Variants in RGS12 observed in about 807,000 individuals in gnomAD.
The protein encoded by RGS12 is regulator of G-protein signaling 12.
RGS12 carries 66 observed loss-of-function variants against 120.1 expected under a neutral mutation model. That is an observed-to-expected ratio of 0.55 (90% confidence interval 0.45 to 0.67). The LOEUF (loss-of-function observed/expected upper bound fraction) is 0.67. RGS12 is among the 30% of genes least tolerant of loss of function. RGS12 has a pLI of 0.00. For synonymous variants in RGS12, 827 were observed against 804.7 expected, an observed-to-expected ratio of 1.03 and a Z score of -0.47; for missense variants, 1,859 against 1,957.7, an observed-to-expected ratio of 0.95 and a Z score of 0.95.
intron 4 of RGS12, among the ~76,000 whole-genome samples, chr4:3,392,146 A>G (rs1038298826): frequency 3.3e-5 from 5 of 152,166 alleles, no homozygotes; most frequent in Admixed American, 1.3e-4. Flanking sequence ...GGGAGAGCTC[A>G]AGGGCTTTTC....
rs539620415 is a variant in RGS12 at position 3,355,532 on chromosome 4, C to T, written c.1998+12479C>T. Among the ~76,000 whole-genome samples, 5 of 152,172 alleles carry T rather than the reference C, an allele frequency of 3.3e-5. No homozygotes were observed. In the South Asian group the frequency reaches 6.2e-4, roughly 19 times the overall value. ...GATCCAAAAGTCCCGTGGTGGCTCA[C>T]GCCTGTAATCCCAGCACTCTGGGAG... On this transcript the variant is annotated intron_variant, in intron 3 of 17. Transcript: ENST00000336727.
chr4:3,434,436 G>A (rs1724617070), intron 17 of RGS12, among the ~76,000 whole-genome samples: 7 of 152,156 alleles, frequency 4.6e-5, no homozygotes. Flanking sequence ...TGCCTGGTGT[G>A]TGTTCGTGTG....
At chr4:3,294,789 G>C (rs142815678) in intron 1 of RGS12, among the ~76,000 whole-genome samples, 5 of 152,228 alleles carry the variant, frequency 3.3e-5, no homozygotes, top group African/African-American at 4.8e-5. Flanking sequence ...GCAATGATGC[G>C]GATGCCTCTG....
intron 17 of RGS12, among the ~76,000 whole-genome samples, chr4:3,432,968 G>A (rs1225474016): frequency 6.6e-6 from 1 of 152,212 alleles, no homozygotes; most frequent in Non-Finnish European, 1.5e-5. Context: ...CTGCTGGGGG[G>A]CGTTGGGACA....
In RGS12 at chr4:3,417,049, A is replaced by G; in HGVS notation, c.2564A>G (p.His855Arg). ...QQVPSSPASKHSLGSDHSSVS... is the reference protein window; with the variant it reads ...QQVPSSPASKRSLGSDHSSVS... ...GTCCCCAGCAGCCCGGCTTCCAAGC[A>G]CAGCCTCGGTTCAGACCACTCCAGT... Residue 855 changes from histidine to arginine, a missense_variant, in exon 8 of 18, where the codon CAC becomes CGC. Around this residue, in one of 3 missense-constraint regions of RGS12, gnomAD observed 375 missense variants for 475.0 expected, o/e 0.79. Transcript: ENST00000336727. 6.2e-7 allele frequency: 1 copy of G among 1,613,000 alleles called. No individual in the cohort carries two copies. Among genetic ancestry groups the G allele is most frequent in the Non-Finnish European group, 8.5e-7 (1 of 1,179,666 alleles).
At chr4:3,351,807 A>G (rs558953969) in intron 3 of RGS12, among the ~76,000 whole-genome samples, 7 of 152,292 alleles carry the variant, frequency 4.6e-5, no homozygotes, top group African/African-American at 1.2e-4. Flanking sequence ...GTGTGCCTCA[A>G]TGTTTAAGAA....
At position 3,425,600 on chromosome 4, in the gene RGS12, G is replaced by A. The variant is rs761115726; in HGVS notation, c.3331+40G>A. 3 of 1,538,980 alleles carry A rather than the reference G, an allele frequency of 1.9e-6. No homozygotes were observed. In the South Asian group the frequency reaches 3.4e-5, roughly 17 times the overall value. ...TGCAGCGGATGGGGAGAGGGTGAGT[G>A]GGTCCAGTGCAGGGGAGGGGGCTAT... On this transcript the variant is annotated intron_variant, in intron 14 of 17. Coordinates refer to ENST00000336727, the MANE Select transcript of RGS12 (RefSeq NM_001394154.1).
chr4:3,379,004 G>GGT (rs1560129280), intron 3 of RGS12, among the ~76,000 whole-genome samples: 5 of 109,106 alleles, frequency 4.6e-5, no homozygotes, highest in African/African-American at 1.3e-4. Context: ...GGAAATGTGC[G>GGT]ATGTGTGTGT....
At chr4:3,391,654 C>T (rs28420539) in intron 4 of RGS12, among the ~76,000 whole-genome samples, 7,647 of 152,242 alleles carry the variant, frequency 0.05, 614 homozygotes, top group African/African-American at 0.17. Context: ...TCATGCAACC[C>T]TAGGCGTGAG....
chr4:3,354,425 G>C (rs1714676021), intron 3 of RGS12, among the ~76,000 whole-genome samples: 1 of 152,150 alleles, frequency 6.6e-6, no homozygotes, highest in Non-Finnish European at 1.5e-5. Context: ...CTCCCAAATG[G>C]ACTTTCATGT....
intron 17 of RGS12, among the ~76,000 whole-genome samples, chr4:3,435,022 G>T (rs1724673196): frequency 6.6e-6 from 1 of 152,122 alleles, no homozygotes; most frequent in African/African-American, 2.4e-5. Context: ...ACCCCAGGAG[G>T]GGTCCCCGCA....
At chr4:3,432,707 G>T (rs931073781) in intron 17 of RGS12, among the ~76,000 whole-genome samples, 1 of 152,246 alleles carries the variant, frequency 6.6e-6, no homozygotes, top group Non-Finnish European at 1.5e-5. Flanking sequence ...CCTGCGCTCT[G>T]GTGGCTGCCC....
chr4:3,313,592 T>C (rs1356986777), intron 1 of RGS12, among the ~76,000 whole-genome samples: 6 of 152,220 alleles, frequency 3.9e-5, no homozygotes, highest in Non-Finnish European at 8.8e-5. Flanking sequence ...GGGGGCCTCG[T>C]GTCTGCAGTC....
chr4:3,323,561 C>G (rs577181473), intron 2 of RGS12, among the ~76,000 whole-genome samples: 58 of 152,266 alleles, frequency 3.8e-4, no homozygotes, highest in Non-Finnish European at 7.3e-4. Context: ...AGTTATATAT[C>G]AATTTTAAAA....
chr4:3,394,089 C>T (rs1450673233), intron 4 of RGS12, among the ~76,000 whole-genome samples: 1 of 152,224 alleles, frequency 6.6e-6, no homozygotes, highest in Non-Finnish European at 1.5e-5. Flanking sequence ...CTGCGACTGA[C>T]CCTTCCTGCC....
In RGS12 at chr4:3,377,353, G is replaced by A. The variant is rs185293495; in HGVS notation, c.1999-9063G>A. ...TCCTAAATTCTGGGATTACAGGCAT[G>A]AGTCACGATGCCCAGCTGATTATTA... On this transcript the variant is annotated intron_variant, in intron 3 of 17. Coordinates refer to ENST00000336727, the MANE Select transcript of RGS12 (RefSeq NM_001394154.1). 3.3e-5 allele frequency among the ~76,000 whole-genome samples: 5 copies of A among 152,294 alleles called. No individual in the cohort carries two copies. The East Asian group carries it at 9.6e-4, about 29-fold the overall frequency.
intron 17 of RGS12, among the ~76,000 whole-genome samples, chr4:3,438,334 C>T (rs1056141575): frequency 6.6e-6 from 1 of 151,660 alleles, no homozygotes; most frequent in Non-Finnish European, 1.5e-5. Context: ...GAAGCCTGCT[C>T]CTCTGGGTCG....
chr4:3,315,730 C>T (rs527266554), intron 1 of RGS12, among the ~76,000 whole-genome samples: 23 of 152,294 alleles, frequency 1.5e-4, no homozygotes, highest in Non-Finnish European at 2.6e-4. Flanking sequence ...GCCTTTCAGA[C>T]GGGCTGCCAG....
chr4:3,428,517 A>G lies in RGS12; in HGVS notation c.3412-41A>G, dbSNP rs754263108. The G allele has an allele frequency of 2.6e-6, 4 of 1,519,454 alleles. No individual in the cohort carries two copies. The East Asian group carries it at 9.0e-5, about 34-fold the overall frequency. 94.1% of individuals were successfully genotyped at this position (1,519,454 alleles called of 1,614,324 possible). A position where few individuals can be genotyped will look rare whatever the true frequency, so the allele number is the denominator to read the frequency against. On this transcript the variant is annotated intron_variant, in intron 15 of 17. Coordinates refer to ENST00000336727, the MANE Select transcript of RGS12 (RefSeq NM_001394154.1). Reference sequence around the variant, plus strand: ...ACTAATGAATGATGTATTGTCGTGTATTGAAATGAAAGTAGAACTTTGACT... The same window carrying G: ...ACTAATGAATGATGTATTGTCGTGTGTTGAAATGAAAGTAGAACTTTGACT...
Sources: allele counts gnomAD v4.1 joint callset (sites outside exome capture counted in the v4.1 genomes callset), GRCh38; gene constraint gnomAD v4.1.1; regional missense constraint gnomAD v4.1.1; transcripts MANE v1.5; gene names NCBI Gene and HGNC (gene_info 2026-07-23, HGNC 2026-07-21).